Variants in COL19A1 observed in about 807,000 individuals in gnomAD.
COL19A1 encodes collagen alpha-1(XIX) chain.
A neutral mutation model predicts 190.2 loss-of-function variants in COL19A1; 159 were observed. The observed-to-expected ratio is 0.84, with a 90% CI of 0.73 to 0.95. The LOEUF is 0.95. COL19A1 is among the 40% of genes least tolerant of loss of function. The pLI is 0.00. For missense variants in COL19A1, 1,418 were observed against 1,431.9 expected, an observed-to-expected ratio of 0.99 and a Z score of 0.16; for synonymous variants, 509 against 458.9, an observed-to-expected ratio of 1.11 and a Z score of -1.39.
intron 19 of COL19A1, among the ~76,000 whole-genome samples, chr6:70,138,736 G>T (rs1184995605): frequency 6.6e-6 from 1 of 151,976 alleles, no homozygotes; most frequent in African/African-American, 2.4e-5. Flanking sequence ...TCAGTCTGTG[G>T]CCTATGTACC....
At chr6:70,192,986 T>C (rs902166555) in intron 48 of COL19A1, among the ~76,000 whole-genome samples, 5 of 152,214 alleles carry the variant, frequency 3.3e-5, no homozygotes, top group Admixed American at 6.5e-5. Context: ...GCTTTAATAC[T>C]GAACTTCAGT....
chr6:69,881,989 G>C (rs564770700), intron 2 of COL19A1, among the ~76,000 whole-genome samples: 1 of 152,156 alleles, frequency 6.6e-6, no homozygotes, highest in Non-Finnish European at 1.5e-5. Context: ...AGACCTGCGC[G>C]TGTGGTCACT....
chr6:70,038,845 C>A (rs545112318), intron 14 of COL19A1, among the ~76,000 whole-genome samples: 2 of 152,048 alleles, frequency 1.3e-5, no homozygotes, highest in Non-Finnish European at 2.9e-5. Context: ...TGCCTTTTCC[C>A]ATAGATCAAT....
At position 70,067,218 on chromosome 6, in the gene COL19A1, G is replaced by A. The variant is rs117798390; in HGVS notation, c.1171-1205G>A. Among the ~76,000 whole-genome samples, 866 of 152,244 alleles carry A rather than the reference G, an allele frequency of 5.7e-3. 5 individuals carry two copies. The highest frequency in any genetic ancestry group is 0.014 in the Middle Eastern group (4 of 294). ...GATCAGTTTGGCTGTGATGTGAATG[G>A]ATGGAGGAATGTGTAGCTTCAACTA... On this transcript the variant is annotated intron_variant, in intron 14 of 50. Transcript: ENST00000620364.
chr6:70,135,264 T>G (rs745708135), intron 18 of COL19A1, among the ~76,000 whole-genome samples: 34 of 152,172 alleles, frequency 2.2e-4, no homozygotes, highest in Non-Finnish European at 4.4e-4. Flanking sequence ...TTGTGGTTTT[T>G]ATGGAAGCTT....
intron 48 of COL19A1, among the ~76,000 whole-genome samples, chr6:70,194,181 G>A (rs561213238): frequency 2.5e-4 from 38 of 152,184 alleles, no homozygotes; most frequent in Non-Finnish European, 4.4e-5. Flanking sequence ...GCAGGGACTC[G>A]AAGGAGTCCT....
intron 16 of COL19A1, among the ~76,000 whole-genome samples, chr6:70,106,159 C>CT (rs1783945322): frequency 6.6e-6 from 1 of 152,120 alleles, no homozygotes; most frequent in Non-Finnish European, 1.5e-5. Context: ...TGAAGGGACT[C>CT]TAAGTCCCCA....
chr6:70,133,061 C>T (rs1315544014), intron 18 of COL19A1, among the ~76,000 whole-genome samples: 4 of 152,174 alleles, frequency 2.6e-5, no homozygotes, highest in Non-Finnish European at 5.9e-5. Context: ...TCATTTAGCA[C>T]TTTTGAGGAT....
In COL19A1 at chr6:69,951,624, T is replaced by G. The variant is rs374548867; in HGVS notation, c.937-8372T>G. On this transcript the variant is annotated intron_variant, in intron 9 of 50. Transcript: ENST00000620364. ...AGAAAACCAGTGAATTCCTCACTTA[T>G]TATAAATATGTACAAGAATATAAAC... 2.8e-4 allele frequency among the ~76,000 whole-genome samples: 42 copies of G among 152,076 alleles called. No homozygotes were observed. In the South Asian group the frequency reaches 8.5e-3, roughly 31 times the overall value.
chr6:70,031,247 A>C (rs9446182), intron 12 of COL19A1, among the ~76,000 whole-genome samples: 1 of 149,776 alleles, frequency 6.7e-6, no homozygotes, highest in Admixed American at 6.6e-5. Context: ...TTTTTTTTTT[A>C]ATTTGAGCAA....
intron 14 of COL19A1, among the ~76,000 whole-genome samples, chr6:70,066,713 G>A (rs12110922): frequency 0.057 from 8,672 of 151,758 alleles, 826 homozygotes; most frequent in African/African-American, 0.2. Context: ...TAGTTTCAAC[G>A]TAGCCATCAC....
intron 8 of COL19A1, among the ~76,000 whole-genome samples, chr6:69,937,363 A>G (rs1272570310): frequency 6.6e-6 from 1 of 152,158 alleles, no homozygotes; most frequent in African/African-American, 2.4e-5. Flanking sequence ...TCCATCCACC[A>G]TAAGTTATTA....
At chr6:69,872,942 T>C (rs1767925609) in intron 1 of COL19A1, among the ~76,000 whole-genome samples, 1 of 152,180 alleles carries the variant, frequency 6.6e-6, no homozygotes, top group Admixed American at 6.5e-5. Flanking sequence ...CTGTCCCACA[T>C]CCTGAGAGTA....
intron 9 of COL19A1, among the ~76,000 whole-genome samples, chr6:69,942,515 C>T (rs1055033052): frequency 1.3e-5 from 2 of 152,046 alleles, no homozygotes; most frequent in African/African-American, 4.8e-5. Flanking sequence ...ACCAACTTCT[C>T]CCTATCCCCA....
intron 47 of COL19A1, among the ~76,000 whole-genome samples, chr6:70,189,734 A>G (rs918604600): frequency 9.2e-5 from 14 of 152,228 alleles, no homozygotes; most frequent in African/African-American, 3.4e-4. Context: ...CCCAATTAAG[A>G]AAAGAAAATT....
intron 16 of COL19A1, among the ~76,000 whole-genome samples, chr6:70,120,797 T>C (rs1325594722): frequency 1.1e-4 from 16 of 152,216 alleles, no homozygotes; most frequent in Admixed American, 1.0e-3. Context: ...TTAGAAGAGA[T>C]CTTCAGTCAC....
intron 11 of COL19A1, among the ~76,000 whole-genome samples, chr6:70,004,449 T>C (rs1346315354): frequency 1.3e-5 from 2 of 152,188 alleles, no homozygotes; most frequent in Admixed American, 1.3e-4. Flanking sequence ...TTCTCCTGTA[T>C]AGTATTCTGA....
At chr6:70,061,992 G>T (rs1223754219) in intron 14 of COL19A1, among the ~76,000 whole-genome samples, 1 of 151,642 alleles carries the variant, frequency 6.6e-6, no homozygotes, top group Non-Finnish European at 1.5e-5. Flanking sequence ...ATATCATTTG[G>T]CAGGTTTTGT....
intron 2 of COL19A1, among the ~76,000 whole-genome samples, chr6:69,883,755 T>A (rs1768723945): frequency 6.6e-6 from 1 of 152,218 alleles, no homozygotes; most frequent in Non-Finnish European, 1.5e-5. Context: ...ATCCCCTGGC[T>A]TTTCCTAAGG....
Sources: allele counts gnomAD v4.1 joint callset (sites outside exome capture counted in the v4.1 genomes callset), GRCh38; gene constraint gnomAD v4.1.1; transcripts MANE v1.5; gene names NCBI Gene and HGNC (gene_info 2026-07-23, HGNC 2026-07-21).